Variants in HDAC8 observed in about 807,000 individuals in gnomAD.
The protein encoded by HDAC8 is histone deacetylase-like 1.
In HDAC8, 1 loss-of-function variant was observed where a neutral mutation model predicts 32.2. That is an observed-to-expected ratio of 0.03 (90% confidence interval 0.01 to 0.15). The LOEUF (loss-of-function observed/expected upper bound fraction) is 0.15, where lower values mean the gene tolerates loss of function less well. Among genes scored for constraint, HDAC8 ranks in the 10% least tolerant of loss-of-function variants. The pLI is 1.00. For missense variants in HDAC8, 117 were observed against 300.0 expected, an observed-to-expected ratio of 0.39 and a Z score of 4.51; for synonymous variants, 108 against 113.9, an observed-to-expected ratio of 0.95 and a Z score of 0.33.
At chrX:72,453,460 A>AGAAAGAAAAG (rs2047627646) in intron 9 of HDAC8, among the ~76,000 whole-genome samples, 29 of 43,485 alleles carry the variant, frequency 6.7e-4, no homozygotes, top group African/African-American at 2.7e-3. Flanking sequence ...CTGTCTCTTA[A>AGAAAGAAAAG]AAATAAAGAA....
intron 4 of HDAC8, among the ~76,000 whole-genome samples, chrX:72,540,076 T>G (rs2050654334): frequency 8.9e-6 from 1 of 111,907 alleles, no homozygotes; most frequent in Non-Finnish European, 1.9e-5. Context: ...GCTCTGGCTT[T>G]ACAACATACA....
chrX:72,467,827 T>C (rs1232677930), intron 7 of HDAC8: 5 of 635,097 alleles, frequency 7.9e-6, no homozygotes, highest in Non-Finnish European at 1.1e-5. Context: ...GAGAAATTTA[T>C]ATGGTAGAAT....
In HDAC8 at chrX:72,572,742, G is replaced by A. The variant is rs147689487; in HGVS notation, c.20C>T (p.Pro7Leu). Residue 7 changes from proline to leucine, a missense_variant, in exon 1 of 11, where the codon CCG (proline) becomes CTG (leucine). Around this residue, in one of 4 missense-constraint regions of HDAC8, gnomAD observed 37 missense variants for 53.1 expected, o/e 0.70. Coordinates refer to ENST00000373573, the MANE Select transcript of HDAC8 (RefSeq NM_018486.3). The part of the protein sequence containing the change: MEEPEE[P>L]ADSGQSLVPV... Reference sequence around the variant, plus strand: ...GACCAGCGACTGCCCACTGTCCGCCGGTTCCTCCGGCTCCTCCATCTTCCG... The same window carrying A: ...GACCAGCGACTGCCCACTGTCCGCCAGTTCCTCCGGCTCCTCCATCTTCCG... The A allele has an allele frequency of 8.3e-6, 10 of 1,207,060 alleles. No individual in the cohort carries two copies. Among genetic ancestry groups the A allele is most frequent in the South Asian group, 7.1e-5 (4 of 56,601 alleles).
intron 2 of HDAC8, among the ~76,000 whole-genome samples, chrX:72,571,553 C>CTTTTTTTTTTTTTTTTTTTTTTTTTT (rs782331910): frequency 3.3e-5 from 1 of 30,449 alleles, no homozygotes; most frequent in Non-Finnish European, 5.9e-5. Context: ...TTCTTTCTTT[C>CTTTTTTTTTTTTTTTTTTTTTTTTTT]TTTTTTTTTT....
At chrX:72,499,330 A>C (rs2049133507) in intron 4 of HDAC8, among the ~76,000 whole-genome samples, 1 of 111,498 alleles carries the variant, frequency 9.0e-6, no homozygotes, top group Non-Finnish European at 1.9e-5. Context: ...CAAAATATAC[A>C]CTCTTCTCAT....
intron 4 of HDAC8, among the ~76,000 whole-genome samples, chrX:72,551,014 T>A (rs782526600): frequency 9.1e-6 from 1 of 109,305 alleles, no homozygotes; most frequent in Non-Finnish European, 1.9e-5. Flanking sequence ...AGCAATTCAA[T>A]GCAAATCTGT....
intron 9 of HDAC8, among the ~76,000 whole-genome samples, chrX:72,423,218 A>C (rs2046542577): frequency 9.0e-6 from 1 of 111,652 alleles, no homozygotes; most frequent in South Asian, 3.8e-4. Context: ...CTGAACTTTT[A>C]TTTAATTTGA....
At chrX:72,391,331 C>G (rs187483032) in intron 9 of HDAC8, among the ~76,000 whole-genome samples, 14 of 112,330 alleles carry the variant, frequency 1.2e-4, no homozygotes, top group Admixed American at 3.8e-4. Context: ...TGACAGAAAG[C>G]AGAACTGTGA....
intron 7 of HDAC8, among the ~76,000 whole-genome samples, chrX:72,468,564 C>A (rs2048083360): frequency 8.9e-6 from 1 of 112,097 alleles, no homozygotes; most frequent in Non-Finnish European, 1.9e-5. Context: ...TACTCAAATA[C>A]TATGAAAGTT....
At chrX:72,508,529 C>G (rs1023386116) in intron 4 of HDAC8, among the ~76,000 whole-genome samples, 9 of 112,557 alleles carry the variant, frequency 8.0e-5, no homozygotes, top group Non-Finnish European at 1.7e-4. Context: ...TTTGTCCCCT[C>G]CAAAACTCGT....
At chrX:72,335,917 A>G (rs2147680149) in intron 10 of HDAC8, among the ~76,000 whole-genome samples, 1 of 107,753 alleles carries the variant, frequency 9.3e-6, no homozygotes, top group South Asian at 4.1e-4. Flanking sequence ...TCTAAAAAAA[A>G]AAAAAAAAAT....
At chrX:72,492,780 C>G (rs1372131917) in intron 5 of HDAC8, among the ~76,000 whole-genome samples, 1 of 111,356 alleles carries the variant, frequency 9.0e-6, no homozygotes, top group Non-Finnish European at 1.9e-5. Flanking sequence ...AACTCCGATA[C>G]TAATAGTTTG....
At chrX:72,380,855 C>T (rs1189315931) in intron 9 of HDAC8, among the ~76,000 whole-genome samples, 1 of 111,621 alleles carries the variant, frequency 9.0e-6, no homozygotes, top group African/African-American at 3.3e-5. Context: ...ATCAATTTGA[C>T]ATATAACCAA....
chrX:72,475,287 A>T (rs1251069390), intron 7 of HDAC8, among the ~76,000 whole-genome samples: 1 of 112,268 alleles, frequency 8.9e-6, no homozygotes, highest in African/African-American at 3.2e-5. Flanking sequence ...AACGCTTTGA[A>T]TTCTCAATGT....
intron 9 of HDAC8, among the ~76,000 whole-genome samples, chrX:72,433,616 T>C (rs1045434199): frequency 2.7e-5 from 3 of 112,101 alleles, no homozygotes; most frequent in African/African-American, 9.7e-5. Context: ...TATAAGTACT[T>C]ATCTGGGAGG....
At chrX:72,409,525 T>C (rs2046136746) in intron 9 of HDAC8, among the ~76,000 whole-genome samples, 1 of 112,592 alleles carries the variant, frequency 8.9e-6, no homozygotes, top group African/African-American at 3.2e-5. Flanking sequence ...GAATTTATCA[T>C]TGTAATTCAA....
intron 4 of HDAC8, among the ~76,000 whole-genome samples, chrX:72,512,703 C>T (rs5912104): frequency 0.18 from 19,355 of 110,555 alleles, 1,738 homozygotes; most frequent in Non-Finnish European, 0.27. Context: ...CTGGCAGTCC[C>T]GTACTCCTCC....
At chrX:72,489,579 TAC>T (rs1440464710) in intron 6 of HDAC8, among the ~76,000 whole-genome samples, 2 of 110,223 alleles carry the variant, frequency 1.8e-5, no homozygotes, top group Non-Finnish European at 3.8e-5. Context: ...ATCCCTTCCT[TAC>T]ACCTTATACA....
At chrX:72,509,601 G>A (rs1296024755) in intron 4 of HDAC8, among the ~76,000 whole-genome samples, 1 of 111,627 alleles carries the variant, frequency 9.0e-6, no homozygotes, top group East Asian at 2.8e-4. Flanking sequence ...GAGGATATTA[G>A]GCTAAGTGAA....
Sources: allele counts gnomAD v4.1 joint callset (sites outside exome capture counted in the v4.1 genomes callset), GRCh38; gene constraint gnomAD v4.1.1; regional missense constraint gnomAD v4.1.1; transcripts MANE v1.5; gene names NCBI Gene and HGNC (gene_info 2026-07-23, HGNC 2026-07-21).